SMG6: variants seen among roughly 807,000 people sequenced by gnomAD.
The protein encoded by SMG6 is telomerase-binding protein EST1A.
SMG6 carries 66 observed loss-of-function variants against 142.2 expected under a neutral mutation model. That is an observed-to-expected ratio of 0.46 (90% CI 0.38 to 0.57). The LOEUF (loss-of-function observed/expected upper bound fraction) is 0.57, where lower values mean the gene tolerates loss of function less well. Among genes scored for constraint, SMG6 ranks in the 20% least tolerant of loss-of-function variants. The pLI is 0.00. For synonymous variants in SMG6, 779 were observed against 702.4 expected (o/e 1.11, Z -1.72); for missense variants, 1,793 against 1,832.0 (o/e 0.98, Z 0.39).
rs920042283 is a variant in SMG6, at chr17:2,186,956, G to A, written c.2987-125C>T. The A allele has an allele frequency of 1.4e-5, 14 of 1,012,750 alleles. No homozygotes were observed. The East Asian group carries it at 3.7e-4, about 27-fold the overall frequency. 62.7% of individuals were successfully genotyped at this position (1,012,750 alleles called of 1,614,324 possible). On this transcript the variant is annotated intron_variant, in intron 11 of 18. Transcript: ENST00000263073. ...CAAGTCCACAGGAAAGATAGGCCCA[G>A]AAGCGAGGACAAGCGCCAGCACCTA...
intron 13 of SMG6, among the ~76,000 whole-genome samples, chr17:2,167,675 C>G (rs1347035067): frequency 3.3e-5 from 5 of 152,166 alleles, no homozygotes; most frequent in Non-Finnish European, 7.3e-5. Context: ...GTGTCTGGAT[C>G]TCCCAGGCTG....
intron 8 of SMG6, among the ~76,000 whole-genome samples, chr17:2,281,852 C>T (rs1597779641): frequency 6.6e-6 from 1 of 152,314 alleles, no homozygotes; most frequent in South Asian, 2.1e-4. Context: ...CCCAGCCAGC[C>T]TCAGCCCTTT....
intron 8 of SMG6, among the ~76,000 whole-genome samples, chr17:2,252,428 C>T (rs953806085): frequency 1.3e-5 from 2 of 151,764 alleles, no homozygotes; most frequent in Non-Finnish European, 2.9e-5. Flanking sequence ...AAAGAAGGAG[C>T]CACGAATATG....
Position 2,299,405 on chromosome 17 carries a change from C to T in SMG6, c.1348G>A (p.Gly450Ser). Residue 450 changes from glycine (G) to serine (S), a missense_variant, in exon 2 of 19, where the codon GGC becomes AGC. Gly to Ser is a moderately conservative substitution (Grantham distance 56). This residue lies in a region of SMG6 where 1,597 missense variants were observed against 1,584.6 expected (regional missense o/e 1.01). Coordinates refer to ENST00000263073, the MANE Select transcript of SMG6 (RefSeq NM_017575.5). The surrounding 1 kb of genome is among the most constrained non-coding windows in gnomAD (Gnocchi z 4.3). ...GGGTCCCACAATCGGCGTGTGGTGC[C>T]TCCACGGCCCCAACTCCGAGATCCC... is the stretch of plus-strand genomic sequence containing the variant. ...SKGSRSWGRGGTTRRLWDPNN... is the reference protein window; with the variant it reads ...SKGSRSWGRGSTTRRLWDPNN... 11 of 1,613,840 alleles carry T rather than the reference C, an allele frequency of 6.8e-6. No individual in the cohort carries two copies. Among genetic ancestry groups the T allele is most frequent in the Non-Finnish European group, 8.5e-6 (10 of 1,180,028 alleles).
intron 10 of SMG6, among the ~76,000 whole-genome samples, chr17:2,209,600 G>A (rs868109853): frequency 1.3e-5 from 2 of 152,096 alleles, no homozygotes; most frequent in South Asian, 4.2e-4. Flanking sequence ...CTGGCCTCAC[G>A]TGATCTGCCC....
intron 1 of SMG6, among the ~76,000 whole-genome samples, chr17:2,301,011 C>T (rs929076487): frequency 1.3e-5 from 2 of 152,200 alleles, no homozygotes; most frequent in Admixed American, 6.5e-5. Flanking sequence ...CAAAAGACCT[C>T]TCTAACCTTT....
At chr17:2,098,462 T>A (rs2068917533) in intron 13 of SMG6, among the ~76,000 whole-genome samples, 1 of 152,244 alleles carries the variant, frequency 6.6e-6, no homozygotes, top group Non-Finnish European at 1.5e-5. Flanking sequence ...TGCTGCATGC[T>A]ACATGCTAAG....
At chr17:2,076,001 T>C (rs2068247342) in intron 15 of SMG6, among the ~76,000 whole-genome samples, 1 of 149,170 alleles carries the variant, frequency 6.7e-6, no homozygotes, top group African/African-American at 2.6e-5. Context: ...AGACCAGGCC[T>C]CACCTCCCCC....
At chr17:2,287,695 C>T (rs544725990) in intron 6 of SMG6, among the ~76,000 whole-genome samples, 6 of 152,248 alleles carry the variant, frequency 3.9e-5, no homozygotes, top group African/African-American at 1.4e-4. Context: ...GGTATATATA[C>T]ACAATGAAAT....
intron 14 of SMG6, among the ~76,000 whole-genome samples, chr17:2,084,255 C>G (rs1292523360): frequency 6.6e-6 from 1 of 152,258 alleles, no homozygotes; most frequent in African/African-American, 2.4e-5. Flanking sequence ...TGCTTCCCCA[C>G]ACAGTACCCA....
chr17:2,203,955 T>G (rs961661177), intron 10 of SMG6, among the ~76,000 whole-genome samples: 1 of 152,200 alleles, frequency 6.6e-6, no homozygotes, highest in Non-Finnish European at 1.5e-5. Context: ...CTTTTCATTC[T>G]GTGGCTTCCT....
chr17:2,096,205 G>C (rs1039999219), intron 13 of SMG6, among the ~76,000 whole-genome samples: 1 of 151,900 alleles, frequency 6.6e-6, no homozygotes, highest in South Asian at 2.1e-4. Context: ...CTTATGTCTG[G>C]CAAATAATTA....
chr17:2,187,432 A>G lies in SMG6; in HGVS notation c.2987-601T>C, dbSNP rs144595547. Reference sequence around the variant, plus strand: ...AAACTAAGTAAGGTCTGTGAATGCAATAATAGTATTTTGTCAATGTTGACT... The same window carrying G: ...AAACTAAGTAAGGTCTGTGAATGCAGTAATAGTATTTTGTCAATGTTGACT... On this transcript the variant is annotated intron_variant, in intron 11 of 18. Coordinates refer to ENST00000263073, the MANE Select transcript of SMG6 (RefSeq NM_017575.5). 3.3e-5 allele frequency among the ~76,000 whole-genome samples: 5 copies of G among 152,304 alleles called. No individual in the cohort carries two copies. In the East Asian group the frequency reaches 7.7e-4, roughly 23 times the overall value.
chr17:2,197,913 T>C (rs978564133), intron 10 of SMG6, among the ~76,000 whole-genome samples: 7 of 152,198 alleles, frequency 4.6e-5, no homozygotes, highest in African/African-American at 9.7e-5. Flanking sequence ...CTCTGGAAAA[T>C]AGTTTGGCAG....
intron 13 of SMG6, chr17:2,087,183 G>T: frequency 7.7e-7 from 1 of 1,290,424 alleles, no homozygotes; most frequent in South Asian, 1.2e-5. Context: ...TACGTCACTG[G>T]CAAGAATTGT....
At chr17:2,156,074 C>T (rs1597484767) in intron 13 of SMG6, among the ~76,000 whole-genome samples, 1 of 139,550 alleles carries the variant, frequency 7.2e-6, no homozygotes, top group Non-Finnish European at 1.5e-5. Context: ...GAACAAATGT[C>T]AATTTCAGGG....
chr17:2,112,790 C>T (rs1175733435), intron 13 of SMG6, among the ~76,000 whole-genome samples: 1 of 146,872 alleles, frequency 6.8e-6, no homozygotes, highest in African/African-American at 2.5e-5. Context: ...CAGACTCTCA[C>T]TCCGCCACCC....
intron 13 of SMG6, among the ~76,000 whole-genome samples, chr17:2,115,748 G>A (rs1341009868): frequency 2.0e-5 from 3 of 152,220 alleles, no homozygotes; most frequent in African/African-American, 2.4e-5. Context: ...TGGGAAGTCA[G>A]GTTTTTGCTC....
At chr17:2,208,857 A>C (rs962201024) in intron 10 of SMG6, among the ~76,000 whole-genome samples, 10 of 152,232 alleles carry the variant, frequency 6.6e-5, no homozygotes, top group Admixed American at 2.6e-4. Context: ...ATTATGGTAC[A>C]CACGTATCGT....
Sources: gnomAD v4.1 joint callset for allele counts (sites outside exome capture counted in the v4.1 genomes callset) on GRCh38, gnomAD v4.1.1 for gene constraint, gnomAD v4.1.1 regional missense constraint, Gnocchi (gnomAD v3.1) non-coding constraint, MANE v1.5 for transcripts, NCBI Gene and HGNC (gene_info 2026-07-23, HGNC 2026-07-21) for gene names.